Variants in PCDH15 observed in about 807,000 individuals in gnomAD.
PCDH15 encodes the protein protocadherin related 15.
Under a neutral mutation model 178.5 loss-of-function variants are expected in PCDH15, and 129 were observed. The observed-to-expected ratio is 0.72, with a 90% CI of 0.63 to 0.84. PCDH15 has a LOEUF of 0.84. Among genes scored for constraint, PCDH15 ranks in the 40% least tolerant of loss-of-function variants. The pLI is 0.00. For synonymous variants in PCDH15, 800 were observed against 732.0 expected, an observed-to-expected ratio of 1.09 and a Z score of -1.50; for missense variants, 2,230 against 2,099.9, an observed-to-expected ratio of 1.06 and a Z score of -1.21.
intron 3 of PCDH15, among the ~76,000 whole-genome samples, chr10:54,412,216 T>A (rs990343217): frequency 6.7e-6 from 1 of 150,208 alleles, no homozygotes; most frequent in Non-Finnish European, 1.5e-5. Flanking sequence ...AATAAATATC[T>A]TATTTAAAAA....
At chr10:54,658,132 T>C (rs2135344736) in intron 2 of PCDH15, among the ~76,000 whole-genome samples, 1 of 152,036 alleles carries the variant, frequency 6.6e-6, no homozygotes, top group East Asian at 1.9e-4. Flanking sequence ...TCAAGAAATA[T>C]TGGATAATGG....
chr10:54,643,671 T>G (rs1340883999), intron 2 of PCDH15, among the ~76,000 whole-genome samples: 1 of 150,250 alleles, frequency 6.7e-6, no homozygotes, highest in Non-Finnish European at 1.5e-5. Flanking sequence ...TTGGTATAGA[T>G]TCAGAAAAAT....
intron 13 of PCDH15, among the ~76,000 whole-genome samples, chr10:54,158,984 T>G (rs1328760921): frequency 6.6e-6 from 1 of 151,660 alleles, no homozygotes; most frequent in African/African-American, 2.4e-5. Flanking sequence ...GGCGAGCACA[T>G]GTAGTCCCAG....
intron 3 of PCDH15, among the ~76,000 whole-genome samples, chr10:54,446,005 A>ATT (rs59281586): frequency 1.3e-5 from 2 of 150,990 alleles, no homozygotes; most frequent in African/African-American, 4.9e-5. Context: ...CAGGTCTCTC[A>ATT]TTTTTTTTAA....
At chr10:54,557,588 T>A (rs1364552857) in intron 2 of PCDH15, among the ~76,000 whole-genome samples, 1 of 152,136 alleles carries the variant, frequency 6.6e-6, no homozygotes, top group African/African-American at 2.4e-5. Flanking sequence ...ACTGAACAAT[T>A]TCAGTGAGGC....
At chr10:55,511,192 C>T (rs1480042493) in intron 2 of PCDH15, among the ~76,000 whole-genome samples, 3 of 151,610 alleles carry the variant, frequency 2.0e-5, no homozygotes, top group Admixed American at 6.6e-5. Context: ...TTAAAGAAAG[C>T]ATTCACTAAT....
intron 1 of PCDH15, among the ~76,000 whole-genome samples, chr10:54,704,172 T>A (rs1321530416): frequency 6.6e-6 from 1 of 151,990 alleles, no homozygotes; most frequent in Non-Finnish European, 1.5e-5. Flanking sequence ...ACCCAAGAAA[T>A]ACCATTCTGG....
intron 2 of PCDH15, among the ~76,000 whole-genome samples, chr10:55,013,633 T>G (rs558488272): frequency 1.3e-5 from 2 of 152,278 alleles, no homozygotes; most frequent in South Asian, 4.1e-4. Context: ...TGCTTCCTTA[T>G]ATACCCATAT....
chr10:55,615,274 A>G (rs1564484835), intron 2 of PCDH15, among the ~76,000 whole-genome samples: 1 of 152,214 alleles, frequency 6.6e-6, no homozygotes, highest in Non-Finnish European at 1.5e-5. Context: ...AAAATAAGAC[A>G]TCAAAACTTG....
intron 1 of PCDH15, among the ~76,000 whole-genome samples, chr10:54,757,183 T>A (rs1350356831): frequency 6.6e-6 from 1 of 152,154 alleles, no homozygotes; most frequent in Non-Finnish European, 1.5e-5. Flanking sequence ...TTTGTAACTG[T>A]CCTTATTAGA....
intron 15 of PCDH15, among the ~76,000 whole-genome samples, chr10:54,113,967 TA>T (rs1479656698): frequency 6.6e-6 from 1 of 152,040 alleles, no homozygotes; most frequent in Non-Finnish European, 1.5e-5. Context: ...TTTCCCTTTA[TA>T]AAACCATCAG....
chr10:55,582,618 A>ATTT lies in PCDH15; in HGVS notation c.-156+45006_-156+45007insAAA, dbSNP rs1182758362. On this transcript the variant is annotated intron_variant, in intron 2 of 5. Coordinates refer to the PCDH15 transcript ENST00000613346. ...TGTGTATATATATATATATATATATATATATATATATTTTTTTTTTTTTGC... is the reference window on the plus strand; with the variant it reads ...TGTGTATATATATATATATATATATATTTTATATATATATTTTTTTTTTTTTGC... 5.8e-3 allele frequency among the ~76,000 whole-genome samples: 510 copies of ATTT among 87,824 alleles called. 14 individuals carry two copies. Among genetic ancestry groups the ATTT allele is most frequent in the African/African-American group, 0.021 (371 of 17,344 alleles). 57.6% of individuals were successfully genotyped at this position (87,824 alleles called of 152,430 possible).
At chr10:54,688,643 T>C (rs1011716306) in intron 1 of PCDH15, among the ~76,000 whole-genome samples, 12 of 152,130 alleles carry the variant, frequency 7.9e-5, no homozygotes, top group Admixed American at 3.3e-4. Context: ...AGTTTGAAAA[T>C]CTAGCCATGT....
intron 20 of PCDH15, among the ~76,000 whole-genome samples, chr10:54,003,208 G>A (rs917251611): frequency 5.9e-5 from 9 of 151,984 alleles, no homozygotes; most frequent in Non-Finnish European, 1.3e-4. Flanking sequence ...AACTAGAAAA[G>A]CAAGAGCAGG....
chr10:55,216,364 A>G (rs946471594), intron 1 of PCDH15, among the ~76,000 whole-genome samples: 1 of 151,970 alleles, frequency 6.6e-6, no homozygotes, highest in Non-Finnish European at 1.5e-5. Context: ...CTTTAATTGT[A>G]TCTCTTTGTT....
intron 32 of PCDH15, chr10:53,825,280 G>C (rs956347193): frequency 2.3e-5 from 23 of 997,506 alleles, no homozygotes; most frequent in Non-Finnish European, 3.1e-5. Flanking sequence ...CAAAAAAAAG[G>C]CATGTTTTTA....
chr10:54,805,480 A>G (rs368489594), upstream of PCDH15, among the ~76,000 whole-genome samples: 1 of 152,162 alleles, frequency 6.6e-6, no homozygotes, highest in Non-Finnish European at 1.5e-5. Flanking sequence ...GGTCATCTGT[A>G]TTCACACCAA....
intron 2 of PCDH15, among the ~76,000 whole-genome samples, chr10:55,445,823 T>C (rs1839302218): frequency 6.6e-6 from 1 of 152,128 alleles, no homozygotes; most frequent in African/African-American, 2.4e-5. Context: ...CTTTGATTCA[T>C]TTCATACAGT....
intron 15 of PCDH15, among the ~76,000 whole-genome samples, chr10:54,114,314 A>G (rs1330348046): frequency 1.3e-5 from 2 of 152,202 alleles, no homozygotes; most frequent in Non-Finnish European, 2.9e-5. Context: ...CAAGATGGTT[A>G]TCATAACTGT....
Sources: allele counts gnomAD v4.1 joint callset (sites outside exome capture counted in the v4.1 genomes callset), GRCh38; gene constraint gnomAD v4.1.1; transcripts MANE v1.5; gene names NCBI Gene and HGNC (gene_info 2026-07-23, HGNC 2026-07-21).